The following LRFN2 variants were observed in gnomAD, a reference collection of about 807,000 sequenced individuals.
LRFN2 encodes the protein leucine rich repeat and fibronectin type III domain containing 2.
Under a neutral mutation model 37.3 loss-of-function variants are expected in LRFN2, and 18 were observed. The ratio of observed to expected loss-of-function variants is 0.48; its 90% CI spans 0.33 to 0.72. The LOEUF (loss-of-function observed/expected upper bound fraction) is 0.72. Ranked by LOEUF, LRFN2 falls within the 30% of genes least tolerant of loss-of-function variation. The pLI is 0.02. For missense variants in LRFN2, 1,006 were observed against 1,060.7 expected, an observed-to-expected ratio of 0.95 and a Z score of 0.72; for synonymous variants, 556 against 466.6, an observed-to-expected ratio of 1.19 and a Z score of -2.47.
At chr6:40,481,657 T>A (rs972087653) in intron 1 of LRFN2, among the ~76,000 whole-genome samples, 6 of 152,100 alleles carry the variant, frequency 3.9e-5, no homozygotes, top group African/African-American at 1.4e-4. Flanking sequence ...CAGGGAATAG[T>A]CCACGAAGGC....
At position 40,426,921 on chromosome 6, in the gene LRFN2, T is replaced by C. The variant is rs115724898; in HGVS notation, c.1400+4793A>G. 3.2e-3 allele frequency among the ~76,000 whole-genome samples: 495 copies of C among 152,352 alleles called. 3 individuals carry two copies. The highest frequency in any genetic ancestry group is 5.6e-3 in the Non-Finnish European group (383 of 68,032). Reference sequence around the variant, plus strand: ...AGCAGAACCATAACCTCTCATGATCTGACCACTATACTTCCATTAGCGCAA... The same window carrying C: ...AGCAGAACCATAACCTCTCATGATCCGACCACTATACTTCCATTAGCGCAA... On this transcript the variant is annotated intron_variant, in intron 2 of 2. Transcript: ENST00000338305.
Position 40,432,880 on chromosome 6 carries a change from C to G in LRFN2, c.234G>C (p.Leu78=). ...TGTTCCTGGACAGGGTCAGGTCCAC[C>G]AGCCCCGTCATGTTGGCAAAGTCCT... The part of the protein sequence containing the change: ...SRQDFANMTG[L]VDLTLSRNTI... The change falls in exon 2 of 3, where the codon CTG becomes CTC. Residue 78 remains leucine, a synonymous_variant. Coordinates refer to ENST00000338305, the MANE Select transcript of LRFN2 (RefSeq NM_020737.3). 5.0e-6 allele frequency: 8 copies of G among 1,614,214 alleles called. No homozygotes were observed. The highest frequency in any genetic ancestry group is 6.8e-6 in the Non-Finnish European group (8 of 1,180,048).
intron 1 of LRFN2, among the ~76,000 whole-genome samples, chr6:40,438,507 G>A (rs1763746934): frequency 6.6e-6 from 1 of 152,174 alleles, no homozygotes; most frequent in African/African-American, 2.4e-5. Flanking sequence ...GTTAAAAGAG[G>A]TTTGAGCCTG....
At chr6:40,427,669 GAA>G (rs1430663850) in intron 2 of LRFN2, among the ~76,000 whole-genome samples, 2 of 152,206 alleles carry the variant, frequency 1.3e-5, no homozygotes, top group African/African-American at 4.8e-5. Flanking sequence ...TACCTACTGA[GAA>G]AGTCTTTCCA....
chr6:40,522,982 G>A (rs1040347645), intron 1 of LRFN2, among the ~76,000 whole-genome samples: 1 of 152,186 alleles, frequency 6.6e-6, no homozygotes, highest in African/African-American at 2.4e-5. Context: ...AGACACACAG[G>A]CACTAGGCCA....
intron 1 of LRFN2, among the ~76,000 whole-genome samples, chr6:40,513,427 T>C (rs940049046): frequency 1.3e-5 from 2 of 151,920 alleles, no homozygotes; most frequent in African/African-American, 4.8e-5. Flanking sequence ...AGAGACGGGG[T>C]TTCACCATGT....
intron 1 of LRFN2, among the ~76,000 whole-genome samples, chr6:40,502,804 C>T (rs1405642067): frequency 6.6e-6 from 1 of 152,260 alleles, no homozygotes; most frequent in Admixed American, 6.5e-5. Flanking sequence ...CACCTGCCCC[C>T]ATACAGCTTA....
At position 40,565,218 on chromosome 6, in the gene LRFN2, C is replaced by T. The variant is rs140521030; in HGVS notation, c.-19+21723G>A. ...CTTCAAGGAGAACTACAAACCACTG[C>T]TCAATGAAATAAAAGAGGATACAAA... On this transcript the variant is annotated intron_variant, in intron 1 of 2. Coordinates refer to ENST00000338305, the MANE Select transcript of LRFN2 (RefSeq NM_020737.3). Among the ~76,000 whole-genome samples, 684 of 152,190 alleles carry T rather than the reference C, an allele frequency of 4.5e-3. 27 individuals are homozygous for T. In the East Asian group the frequency reaches 0.088, roughly 19 times the overall value.
At chr6:40,514,371 G>A (rs145801126) in intron 1 of LRFN2, among the ~76,000 whole-genome samples, 190 of 152,292 alleles carry the variant, frequency 1.2e-3, no homozygotes, top group African/African-American at 4.3e-3. Flanking sequence ...CTGGAATGCA[G>A]TAGTGCAATC....
At chr6:40,527,413 C>T (rs1342633880) in intron 1 of LRFN2, among the ~76,000 whole-genome samples, 1 of 152,214 alleles carries the variant, frequency 6.6e-6, no homozygotes, top group Non-Finnish European at 1.5e-5. Flanking sequence ...GTGACATACA[C>T]AGTGAGACAA....
intron 1 of LRFN2, among the ~76,000 whole-genome samples, chr6:40,484,313 G>A (rs1764901911): frequency 1.3e-5 from 2 of 152,208 alleles, no homozygotes; most frequent in African/African-American, 4.8e-5. Flanking sequence ...TGTGTGATCA[G>A]CGGCTAGTCT....
At chr6:40,496,419 G>T (rs1215620078) in intron 1 of LRFN2, among the ~76,000 whole-genome samples, 1 of 152,156 alleles carries the variant, frequency 6.6e-6, no homozygotes, top group Non-Finnish European at 1.5e-5. Flanking sequence ...CCCCACTGCA[G>T]CCTGCAAGGC....
chr6:40,581,942 C>G (rs919992090), intron 1 of LRFN2, among the ~76,000 whole-genome samples: 3 of 152,208 alleles, frequency 2.0e-5, no homozygotes, highest in African/African-American at 7.2e-5. Flanking sequence ...GGGGGACCCC[C>G]TGGCTTCTTT....
intron 1 of LRFN2, among the ~76,000 whole-genome samples, chr6:40,435,511 G>T (rs1271219349): frequency 6.6e-6 from 1 of 150,862 alleles, no homozygotes; most frequent in Non-Finnish European, 1.5e-5. Context: ...GAGCACAGAT[G>T]CAGAAAAAAC....
At chr6:40,401,417 G>T (rs1167366702) in intron 2 of LRFN2, among the ~76,000 whole-genome samples, 1 of 152,130 alleles carries the variant, frequency 6.6e-6, no homozygotes, top group African/African-American at 2.4e-5. Context: ...TGGACCCTTG[G>T]GCAGGATGAC....
At chr6:40,537,394 G>A (rs989235929) in intron 1 of LRFN2, among the ~76,000 whole-genome samples, 1 of 152,162 alleles carries the variant, frequency 6.6e-6, no homozygotes, top group Non-Finnish European at 1.5e-5. Flanking sequence ...CACAGGTTCT[G>A]CGTGTGCCCC....
At chr6:40,439,497 C>T (rs1459387420) in intron 1 of LRFN2, among the ~76,000 whole-genome samples, 2 of 152,172 alleles carry the variant, frequency 1.3e-5, no homozygotes, top group African/African-American at 2.4e-5. Context: ...TGTATGGGGG[C>T]ATACAAGCCC....
intron 2 of LRFN2, among the ~76,000 whole-genome samples, chr6:40,393,262 G>A (rs1480095741): frequency 1.3e-5 from 2 of 152,020 alleles, no homozygotes; most frequent in African/African-American, 2.4e-5. Flanking sequence ...GAAGGTGAGA[G>A]AGGGAGATTC....
At chr6:40,472,818 A>G (rs576049245) in intron 1 of LRFN2, among the ~76,000 whole-genome samples, 1 of 152,236 alleles carries the variant, frequency 6.6e-6, no homozygotes, top group South Asian at 2.1e-4. Context: ...GCACCATGTC[A>G]TTCCCTAAAC....
Sources: allele counts gnomAD v4.1 joint callset (sites outside exome capture counted in the v4.1 genomes callset), GRCh38; gene constraint gnomAD v4.1.1; transcripts MANE v1.5; gene names NCBI Gene and HGNC (gene_info 2026-07-23, HGNC 2026-07-21).